Variants in MTX2 observed in about 807,000 individuals in gnomAD.
MTX2 encodes metaxin 2.
In MTX2, 35 loss-of-function variants were observed where a neutral mutation model predicts 42.3. The ratio of observed to expected loss-of-function variants is 0.83; its 90% CI spans 0.63 to 1.10. The LOEUF is 1.10. Ranked by LOEUF, MTX2 falls within the 50% of genes least tolerant of loss-of-function variation. The pLI is 0.00. For synonymous variants in MTX2, 119 were observed against 100.9 expected (o/e 1.18, Z -1.08); for missense variants, 307 against 304.1 (o/e 1.01, Z -0.07).
chr2:176,269,523 C>G lies in MTX2; in HGVS notation c.-107C>G. ...TTGGAGTGGGCTTTGCGAGTCTGAA[C>G]GTTGGCGGGGCTAGGCTCGTTAACT... On this transcript the variant is annotated 5_prime_UTR_variant, in exon 1 of 10. Transcript: ENST00000249442. The G allele has an allele frequency of 7.8e-7, 1 of 1,275,148 alleles. No homozygotes were observed. The highest frequency in any genetic ancestry group is 1.1e-6 in the Non-Finnish European group (1 of 946,756). The allele number at this position is 1,275,148 out of a possible 1,614,324, so 79.0% of individuals were successfully genotyped here.
chr2:176,297,944 C>A, intron 3 of MTX2, 49 bp downstream of exon 3: 1 of 1,399,236 alleles, frequency 7.1e-7, no homozygotes, highest in South Asian at 1.5e-5. Flanking sequence ...AGGTGGTTTG[C>A]ATCATTTTGA....
intron 1 of MTX2, among the ~76,000 whole-genome samples, chr2:176,272,135 A>G (rs1278898581): frequency 6.6e-6 from 1 of 152,218 alleles, no homozygotes; most frequent in Non-Finnish European, 1.5e-5. Flanking sequence ...TAAATGAAAT[A>G]AGCTAGACAT....
intron 3 of MTX2, among the ~76,000 whole-genome samples, 197 bp downstream of exon 3, chr2:176,298,092 G>T (rs1683934524): frequency 6.6e-6 from 1 of 150,518 alleles, no homozygotes. Flanking sequence ...TCAGTTAATT[G>T]TCAGTATATA....
Position 176,270,543 on chromosome 2 carries a change from C to T in MTX2, c.40+874C>T, listed in dbSNP as rs939215455. 6 of 527,842 alleles carry T rather than the reference C, an allele frequency of 1.1e-5. No homozygotes were observed. In the African/African-American group the frequency reaches 1.2e-4, roughly 11 times the overall value. The allele number at this position is 527,842 out of a possible 1,614,324, so 32.7% of individuals were successfully genotyped here. On this transcript the variant is annotated intron_variant, in intron 1 of 9. Transcript: ENST00000249442. ...GAGGCTAATGGAATTAGTCATAACT[C>T]CCTAGCAGTGTTTTCAACATGAGTA...
At chr2:176,329,473 A>G in intron 8 of MTX2, 47 bp downstream of exon 8, 1 of 1,551,078 alleles carries the variant, frequency 6.4e-7, no homozygotes, top group Non-Finnish European at 8.7e-7. Context: ...TTATGCATTA[A>G]AAGAATCATT....
At chr2:176,336,265 G>T (rs923869306) in intron 9 of MTX2, among the ~76,000 whole-genome samples, 7 of 152,060 alleles carry the variant, frequency 4.6e-5, no homozygotes, top group African/African-American at 1.7e-4. Context: ...CATTAGTAGT[G>T]GGGTAGATTT....
intron 1 of MTX2, among the ~76,000 whole-genome samples, chr2:176,290,385 TC>T (rs1349456337): frequency 2.6e-5 from 4 of 152,124 alleles, no homozygotes; most frequent in Non-Finnish European, 5.9e-5. Context: ...GCAAGACTCT[TC>T]CTTGCTCTAG....
intron 3 of MTX2, among the ~76,000 whole-genome samples, chr2:176,300,137 GAGAC>G (rs1229713864): frequency 4.8e-5 from 4 of 83,108 alleles, no homozygotes; most frequent in African/African-American, 1.7e-4. Context: ...ACACACTAGA[GAGAC>G]AGAGAGAGAG....
Position 176,305,608 on chromosome 2 carries a change from G to A in MTX2, c.135+7713G>A, listed in dbSNP as rs191022291. Among the ~76,000 whole-genome samples the A allele has an allele frequency of 2.0e-5, 3 of 152,148 alleles. No individual in the cohort carries two copies. In the East Asian group the frequency reaches 5.8e-4, roughly 29 times the overall value. Reference sequence around the variant, plus strand: ...CCGTTCATTTATTGGTTTTATCAGTGCGTTATTTATATGTAATTATCACAG... The same window carrying A: ...CCGTTCATTTATTGGTTTTATCAGTACGTTATTTATATGTAATTATCACAG... On this transcript the variant is annotated intron_variant, in intron 3 of 9. Transcript: ENST00000249442.
At chr2:176,282,230 A>G (rs945964178) in intron 1 of MTX2, among the ~76,000 whole-genome samples, 2 of 137,182 alleles carry the variant, frequency 1.5e-5, no homozygotes, top group Non-Finnish European at 1.5e-5. Context: ...TTGAGTACCT[A>G]ATTTGTGCTA....
chr2:176,337,036 A>G (rs549845561), intron 9 of MTX2, among the ~76,000 whole-genome samples: 14 of 152,310 alleles, frequency 9.2e-5, no homozygotes, highest in South Asian at 6.2e-4. Context: ...GTACATCCGT[A>G]TATTTTAAAT....
chr2:176,336,058 A>G (rs746779066), intron 9 of MTX2, among the ~76,000 whole-genome samples: 1 of 152,076 alleles, frequency 6.6e-6, no homozygotes, highest in Non-Finnish European at 1.5e-5. Context: ...CCAACCCCCA[A>G]ATTTATTCTG....
chr2:176,297,776 T>C (rs1025947264), intron 2 of MTX2, 73 bp from the exon 3 acceptor site: 184 of 1,013,260 alleles, frequency 1.8e-4, no homozygotes, highest in Non-Finnish European at 2.3e-4. Flanking sequence ...TTTGAATAAA[T>C]AGAAATACTT....
intron 4 of MTX2, among the ~76,000 whole-genome samples, chr2:176,326,586 T>C (rs1394378873): frequency 1.3e-5 from 2 of 151,606 alleles, no homozygotes; most frequent in African/African-American, 4.8e-5. Flanking sequence ...GATCTGTTAT[T>C]ATATCTAAGT....
At chr2:176,307,914 G>A (rs1684192922) in intron 3 of MTX2, among the ~76,000 whole-genome samples, 1 of 152,086 alleles carries the variant, frequency 6.6e-6, no homozygotes, top group South Asian at 2.1e-4. Flanking sequence ...TGATTGACCT[G>A]GCCAGAACTT....
intron 1 of MTX2, among the ~76,000 whole-genome samples, chr2:176,282,129 T>TTTTTTG (rs1693093044): frequency 3.0e-5 from 4 of 132,492 alleles, no homozygotes; most frequent in African/African-American, 5.7e-5. Context: ...TACAGTAGTT[T>TTTTTTG]TTTTTTTTTT....
intron 4 of MTX2, among the ~76,000 whole-genome samples, chr2:176,325,761 TAAAA>T (rs1278881859): frequency 6.6e-6 from 1 of 151,728 alleles, no homozygotes; most frequent in Non-Finnish European, 1.5e-5. Flanking sequence ...CTTAACCAGA[TAAAA>T]AAATTTTTTT....
intron 1 of MTX2, among the ~76,000 whole-genome samples, chr2:176,277,850 T>C (rs993575785): frequency 6.6e-6 from 1 of 152,010 alleles, no homozygotes; most frequent in Non-Finnish European, 1.5e-5. Context: ...AAAAACATAT[T>C]AGTCATATGA....
chr2:176,323,360 AC>A, intron 3 of MTX2, 31 bp from the exon 4 acceptor site: 1 of 1,570,978 alleles, frequency 6.4e-7, no homozygotes. Flanking sequence ...TATGCTTTTT[AC>A]TGGGCTTATT....
Sources: allele counts gnomAD v4.1 joint callset (sites outside exome capture counted in the v4.1 genomes callset), GRCh38; gene constraint gnomAD v4.1.1; transcripts MANE v1.5; gene names NCBI Gene and HGNC (gene_info 2026-07-23, HGNC 2026-07-21).